Variants in CHSY3 observed in about 807,000 individuals in gnomAD.
CHSY3 encodes N-acetylgalactosaminyl-proteoglycan 3-beta-glucuronosyltransferase 3.
Under a neutral mutation model 67.2 loss-of-function variants are expected in CHSY3, and 35 were observed. That is an observed-to-expected ratio of 0.52 (90% CI 0.40 to 0.69). The LOEUF (loss-of-function observed/expected upper bound fraction) is 0.69, where lower values mean the gene tolerates loss of function less well. CHSY3 is among the 30% of genes least tolerant of loss of function. The probability of loss-of-function intolerance (pLI) is 0.00; values close to 1 mark genes in which losing one functional copy is unlikely to be tolerated. For synonymous variants in CHSY3, 474 were observed against 434.7 expected, an observed-to-expected ratio of 1.09 and a Z score of -1.12; for missense variants, 1,069 against 1,138.5, an observed-to-expected ratio of 0.94 and a Z score of 0.88.
At chr5:130,060,267 A>C (rs1765669182) in intron 2 of CHSY3, among the ~76,000 whole-genome samples, 1 of 152,242 alleles carries the variant, frequency 6.6e-6, no homozygotes, top group African/African-American at 2.4e-5. Flanking sequence ...AACATCCACA[A>C]ATCAATAAAT....
intron 2 of CHSY3, among the ~76,000 whole-genome samples, chr5:130,026,222 A>G (rs1349694013): frequency 1.3e-5 from 2 of 152,116 alleles, no homozygotes; most frequent in Non-Finnish European, 2.9e-5. Context: ...GCAGTTTCTT[A>G]TAGCATTCAT....
chr5:130,113,220 G>T (rs1273967626), intron 2 of CHSY3, among the ~76,000 whole-genome samples: 2 of 152,048 alleles, frequency 1.3e-5, no homozygotes, highest in African/African-American at 4.8e-5. Context: ...GATAACAAAT[G>T]ATGAATTCAT....
At position 130,184,420 on chromosome 5, in the gene CHSY3, G is replaced by A. The variant is rs1403120063; in HGVS notation, c.1278G>A (p.Arg426=). The A allele has an allele frequency of 6.2e-7, 1 of 1,613,752 alleles. No homozygotes were observed. Among genetic ancestry groups the A allele is most frequent in the Non-Finnish European group, 8.5e-7 (1 of 1,179,806 alleles). Residue 426 remains arginine, a synonymous_variant, in exon 3 of 3, where the codon AGG becomes AGA. Transcript: ENST00000305031. ...ELRYRTIQLH[R]ESALMSKLSN... ...GCTACCGCACCATCCAGCTCCACAG[G>A]GAAAGTGCCCTGATGAGCAAGCTCA...
intron 2 of CHSY3, among the ~76,000 whole-genome samples, chr5:129,945,123 A>G (rs992121320): frequency 5.3e-5 from 8 of 152,242 alleles, no homozygotes; most frequent in Non-Finnish European, 1.2e-4. Context: ...GCTTTAGTAA[A>G]AACAGATGTG....
At chr5:130,039,740 G>C (rs1764957725) in intron 2 of CHSY3, among the ~76,000 whole-genome samples, 1 of 151,970 alleles carries the variant, frequency 6.6e-6, no homozygotes, top group African/African-American at 2.4e-5. Flanking sequence ...AGCCTCCCAA[G>C]GTGGTAAGAT....
Position 130,089,216 on chromosome 5 carries a change from C to A in CHSY3, c.1087-95013C>A, listed in dbSNP as rs1766785785. On this transcript the variant is annotated intron_variant, in intron 2 of 2. Coordinates refer to ENST00000305031, the MANE Select transcript of CHSY3 (RefSeq NM_175856.5). ...GAAGGGGAACATCACACTCTGGGGA[C>A]TGTTGTGGGGTGGGGGGTGGGGGGA... 3.0e-5 allele frequency among the ~76,000 whole-genome samples: 3 copies of A among 101,260 alleles called. No individual in the cohort carries two copies. The South Asian group carries it at 1.0e-3, about 34-fold the overall frequency. 66.4% of individuals were successfully genotyped at this position (101,260 alleles called of 152,430 possible).
intron 2 of CHSY3, among the ~76,000 whole-genome samples, chr5:130,042,325 C>T (rs1022840387): frequency 6.6e-6 from 1 of 152,090 alleles, no homozygotes; most frequent in African/African-American, 2.4e-5. Flanking sequence ...AGCATAGCAG[C>T]TCACTAATAT....
intron 2 of CHSY3, among the ~76,000 whole-genome samples, chr5:130,100,234 T>G (rs543674659): frequency 6.6e-6 from 1 of 152,140 alleles, no homozygotes; most frequent in Non-Finnish European, 1.5e-5. Flanking sequence ...CAGGCTGGAG[T>G]GCAGTCGCGC....
intron 2 of CHSY3, among the ~76,000 whole-genome samples, chr5:129,995,999 T>A (rs993579176): frequency 1.3e-5 from 2 of 152,054 alleles, no homozygotes; most frequent in African/African-American, 4.8e-5. Context: ...ATATAGAGCA[T>A]AGGGCTTAGA....
chr5:129,971,344 T>C (rs1762635545), intron 2 of CHSY3, among the ~76,000 whole-genome samples: 1 of 151,726 alleles, frequency 6.6e-6, no homozygotes, highest in South Asian at 2.1e-4. Flanking sequence ...TAATAATAAA[T>C]ATGAGGTTGG....
chr5:130,070,963 T>C (rs922929896), intron 2 of CHSY3, among the ~76,000 whole-genome samples: 1 of 152,086 alleles, frequency 6.6e-6, no homozygotes, highest in Non-Finnish European at 1.5e-5. Flanking sequence ...GTAGCTTTCA[T>C]AGATAAAACT....
At position 130,174,889 on chromosome 5, in the gene CHSY3, C is replaced by T. The variant is rs1283753018; in HGVS notation, c.1087-9340C>T. Among the ~76,000 whole-genome samples, 6 of 152,122 alleles carry T rather than the reference C, an allele frequency of 3.9e-5. No individual in the cohort carries two copies. In the South Asian group the frequency reaches 6.2e-4, roughly 16 times the overall value. On this transcript the variant is annotated intron_variant, in intron 2 of 2. Transcript: ENST00000305031. Reference sequence around the variant, plus strand: ...TGGCTCCATCCATGGCATCTGGCTCCAGAATCTAAGCACTTCGTTGCAATG... The same window carrying T: ...TGGCTCCATCCATGGCATCTGGCTCTAGAATCTAAGCACTTCGTTGCAATG...
chr5:129,931,858 A>G (rs1485477148), intron 2 of CHSY3, among the ~76,000 whole-genome samples: 2 of 152,040 alleles, frequency 1.3e-5, no homozygotes, highest in Non-Finnish European at 2.9e-5. Context: ...ATTGTGTCAT[A>G]TAACCAAGTG....
At chr5:130,097,682 A>G (rs548850642) in intron 2 of CHSY3, among the ~76,000 whole-genome samples, 1 of 152,328 alleles carries the variant, frequency 6.6e-6, no homozygotes, top group South Asian at 2.1e-4. Flanking sequence ...ATTTTGAGAT[A>G]ATTGTAGATT....
chr5:130,064,528 T>G (rs1035997579), intron 2 of CHSY3, among the ~76,000 whole-genome samples: 5 of 152,220 alleles, frequency 3.3e-5, no homozygotes, highest in African/African-American at 1.2e-4. Context: ...CCTACTTCTA[T>G]GGCGCATGTT....
chr5:129,999,203 CGT>C (rs1561490765), intron 2 of CHSY3, among the ~76,000 whole-genome samples: 1 of 145,826 alleles, frequency 6.9e-6, no homozygotes, highest in Non-Finnish European at 1.5e-5. Flanking sequence ...TTTTTCTATA[CGT>C]TGAGATGGTA....
intron 2 of CHSY3, among the ~76,000 whole-genome samples, chr5:129,936,307 A>G (rs1032786535): frequency 9.9e-5 from 15 of 152,196 alleles, no homozygotes; most frequent in African/African-American, 3.6e-4. Context: ...TAATTTATAT[A>G]GAAGGGAATT....
At chr5:130,148,611 C>G (rs1769142334) in intron 2 of CHSY3, among the ~76,000 whole-genome samples, 2 of 152,218 alleles carry the variant, frequency 1.3e-5, no homozygotes, top group South Asian at 4.1e-4. Context: ...GATGGTATCT[C>G]CTTGTGGTTT....
intron 2 of CHSY3, among the ~76,000 whole-genome samples, chr5:130,014,946 T>A (rs1216196385): frequency 6.6e-6 from 1 of 152,166 alleles, no homozygotes; most frequent in African/African-American, 2.4e-5. Flanking sequence ...GAAAATAATT[T>A]GCAAACCATA....
Sources: allele counts gnomAD v4.1 joint callset (sites outside exome capture counted in the v4.1 genomes callset), GRCh38; gene constraint gnomAD v4.1.1; transcripts MANE v1.5; gene names NCBI Gene and HGNC (gene_info 2026-07-23, HGNC 2026-07-21).